Variants in PEX5L observed in about 807,000 individuals in gnomAD.
The protein encoded by PEX5L is peroxisomal biogenesis factor 5 like, also known as PEX5-related protein.
PEX5L carries 30 observed loss-of-function variants against 84.0 expected under a neutral mutation model. The observed-to-expected ratio is 0.36, with a 90% CI of 0.27 to 0.48. PEX5L has a LOEUF of 0.48. PEX5L is among the 20% of genes least tolerant of loss of function. PEX5L has a pLI of 0.99. For synonymous variants in PEX5L, 270 were observed against 283.1 expected (o/e 0.95, Z 0.46); for missense variants, 533 against 754.6 (o/e 0.71, Z 3.44).
intron 8 of PEX5L, among the ~76,000 whole-genome samples, chr3:179,840,175 G>GTTT: frequency 8.9e-6 from 1 of 111,832 alleles, no homozygotes; most frequent in African/African-American, 3.7e-5. Context: ...GTGTGTGTGT[G>GTTT]TGTGTGTGTT....
chr3:179,875,876 G>T (rs1752219229), intron 5 of PEX5L, among the ~76,000 whole-genome samples: 1 of 152,164 alleles, frequency 6.6e-6, no homozygotes, highest in African/African-American at 2.4e-5. Context: ...TGGCTAAAGT[G>T]GGGGCTTGGG....
chr3:179,814,049 G>A (rs868207843), intron 10 of PEX5L, among the ~76,000 whole-genome samples: 2 of 149,298 alleles, frequency 1.3e-5, no homozygotes, highest in South Asian at 2.1e-4. Flanking sequence ...TCGAACTCCT[G>A]GCTTGAACTG....
intron 1 of PEX5L, among the ~76,000 whole-genome samples, chr3:179,980,007 C>T (rs143894599): frequency 5.7e-4 from 86 of 152,212 alleles, no homozygotes; most frequent in African/African-American, 1.7e-3. Context: ...AACTAAAACG[C>T]GATCTCTTTA....
At chr3:179,966,103 T>A (rs1233850585) in intron 2 of PEX5L, among the ~76,000 whole-genome samples, 1 of 152,174 alleles carries the variant, frequency 6.6e-6, no homozygotes, top group African/African-American at 2.4e-5. Flanking sequence ...ATTCAATTAT[T>A]TTTCATCGAT....
intron 1 of PEX5L, among the ~76,000 whole-genome samples, chr3:180,029,720 G>A (rs1338826798): frequency 1.4e-5 from 2 of 140,874 alleles, no homozygotes; most frequent in African/African-American, 6.1e-5. Flanking sequence ...TCAAATGTTA[G>A]TGTGCATATA....
chr3:179,894,389 C>A (rs916492977), intron 3 of PEX5L, among the ~76,000 whole-genome samples: 1 of 152,096 alleles, frequency 6.6e-6, no homozygotes, highest in South Asian at 2.1e-4. Flanking sequence ...CCCCACCCCC[C>A]ACTTCCTATT....
intron 2 of PEX5L, among the ~76,000 whole-genome samples, chr3:179,932,457 G>A (rs1040042535): frequency 2.0e-5 from 3 of 152,146 alleles, no homozygotes; most frequent in Non-Finnish European, 4.4e-5. Context: ...TACCTCCCCA[G>A]AAAAGATCTA....
At chr3:179,893,491 G>T (rs1758245350) in intron 3 of PEX5L, among the ~76,000 whole-genome samples, 2 of 152,030 alleles carry the variant, frequency 1.3e-5, no homozygotes, top group Non-Finnish European at 2.9e-5. Flanking sequence ...CTTTGTGTTT[G>T]TCTTTAAAGA....
intron 8 of PEX5L, among the ~76,000 whole-genome samples, chr3:179,841,378 A>C (rs1214682276): frequency 6.6e-6 from 1 of 152,092 alleles, no homozygotes. Context: ...TTTTCCCTCA[A>C]GTACTGGCTC....
chr3:179,902,201 C>T (rs1189613824), intron 2 of PEX5L: 1 of 154,018 alleles, frequency 6.5e-6, no homozygotes. Context: ...TATGATGTGG[C>T]CAAGGCTTCA....
At chr3:180,006,790 T>C (rs980401436) in intron 1 of PEX5L, among the ~76,000 whole-genome samples, 2 of 152,188 alleles carry the variant, frequency 1.3e-5, no homozygotes, top group Non-Finnish European at 2.9e-5. Flanking sequence ...TTATTCACTA[T>C]CATGAGACTA....
intron 1 of PEX5L, among the ~76,000 whole-genome samples, chr3:179,986,794 A>G (rs941267532): frequency 1.3e-5 from 2 of 152,186 alleles, no homozygotes; most frequent in Admixed American, 6.5e-5. Flanking sequence ...TCTGACACTA[A>G]AGGTTAGATT....
chr3:179,982,113 C>A (rs1030181706), intron 1 of PEX5L, among the ~76,000 whole-genome samples: 1 of 152,076 alleles, frequency 6.6e-6, no homozygotes, highest in African/African-American at 2.4e-5. Flanking sequence ...GAGGACAAAA[C>A]CTTATAATGG....
At chr3:179,938,091 C>T (rs546461635) in intron 2 of PEX5L, among the ~76,000 whole-genome samples, 19 of 152,126 alleles carry the variant, frequency 1.2e-4, no homozygotes, top group African/African-American at 4.6e-4. Flanking sequence ...AGAAGGCATA[C>T]TAAATATTAT....
intron 1 of PEX5L, among the ~76,000 whole-genome samples, chr3:180,018,609 T>C (rs770425183): frequency 1.8e-4 from 28 of 152,194 alleles, no homozygotes; most frequent in Non-Finnish European, 3.2e-4. Context: ...ATTTTATTCG[T>C]TTTTAGAGAG....
At chr3:179,843,213 C>T (rs1199384350) in intron 8 of PEX5L, among the ~76,000 whole-genome samples, 1 of 152,140 alleles carries the variant, frequency 6.6e-6, no homozygotes, top group East Asian at 1.9e-4. Flanking sequence ...GGCAGGACAG[C>T]CTTAGAAATC....
In PEX5L at chr3:179,971,574, G is replaced by A; in HGVS notation, c.93+20C>T. The A allele has an allele frequency of 6.2e-7, 1 of 1,601,042 alleles. No individual in the cohort carries two copies. The highest frequency in any genetic ancestry group is 2.3e-5 in the East Asian group (1 of 44,400). On this transcript the variant is annotated intron_variant, in intron 2 of 14. Transcript: ENST00000467460. The stretch of plus-strand genomic sequence containing the variant: ...AATATACAGTAGAACAGTAGAAAAT[G>A]TACGTAAGTATTCACTTACCTGCTT...
intron 8 of PEX5L, among the ~76,000 whole-genome samples, chr3:179,833,748 CCTGACTACCTAGTCT>C (rs1560291517): frequency 6.6e-6 from 1 of 152,146 alleles, no homozygotes; most frequent in Non-Finnish European, 1.5e-5. Flanking sequence ...GCAATAGGTG[CCTGACTACCTAGTCT>C]ACCTATGCTG....
At chr3:179,808,901 C>T (rs909973159) in intron 12 of PEX5L, among the ~76,000 whole-genome samples, 1 of 151,466 alleles carries the variant, frequency 6.6e-6, no homozygotes, top group Non-Finnish European at 1.5e-5. Context: ...GGTGAAACCC[C>T]GTCTCTACTA....
Sources: allele counts gnomAD v4.1 joint callset (sites outside exome capture counted in the v4.1 genomes callset), GRCh38; gene constraint gnomAD v4.1.1; transcripts MANE v1.5; gene names NCBI Gene and HGNC (gene_info 2026-07-23, HGNC 2026-07-21).